The following TMEM127 variants were observed in gnomAD, a reference collection of about 807,000 sequenced individuals.
TMEM127 encodes transmembrane protein 127.
In TMEM127, 21 loss-of-function variants were observed where a neutral mutation model predicts 20.1. That is an observed-to-expected ratio of 1.04 (90% CI 0.74 to 1.50). TMEM127 has a LOEUF of 1.50. TMEM127 is among the 40% of genes most tolerant of loss of function. The probability of loss-of-function intolerance (pLI) is 0.00; values close to 1 mark genes in which losing one functional copy is unlikely to be tolerated. For synonymous variants in TMEM127, 150 were observed against 144.7 expected, an observed-to-expected ratio of 1.04 and a Z score of -0.26; for missense variants, 303 against 317.4, an observed-to-expected ratio of 0.95 and a Z score of 0.34.
rs1219929862 is a variant in TMEM127, at chr2:96,253,948, C to T, written c.577G>A (p.Ala193Thr). 3.7e-6 allele frequency: 6 copies of T among 1,614,030 alleles called. No individual in the cohort carries two copies. The Admixed American group carries it at 1.0e-4, about 27-fold the overall frequency. The change falls in exon 4 of 4, where the codon GCC becomes ACC. Residue 193 changes from alanine (A) to threonine (T), a missense_variant. Coordinates refer to ENST00000258439, the MANE Select transcript of TMEM127 (RefSeq NM_017849.4). This position sits in a 1 kb window ranked among gnomAD's most constrained non-coding sequence, Gnocchi z 4.3. ...GTGGGGTAGTGGCGCAGGAGGTTGG[C>T]TGCCGTGGCCAGGATTGAGGCTCCA... ...AGGASILATA[A>T]NLLRHYPTEE...
At chr2:96,254,803 T>C (rs1268233045) in intron 3 of TMEM127, 30 bp downstream of exon 3, 1 of 1,613,454 alleles carries the variant, frequency 6.2e-7, no homozygotes, top group East Asian at 2.2e-5. Context: ...TAGCAGTTCC[T>C]CTCCCACTGT....
In TMEM127 at chr2:96,249,454, G is replaced by A. The variant is rs1488071631; in HGVS notation, c.*4354C>T. On this transcript the variant is annotated 3_prime_UTR_variant, in exon 4 of 4. Transcript: ENST00000258439. Reference sequence around the variant, plus strand: ...AATGAAGCGTCTTCGTTTCAGGTGGGCTCATTCAAAACGACATTTTCAGGC... The same window carrying A: ...AATGAAGCGTCTTCGTTTCAGGTGGACTCATTCAAAACGACATTTTCAGGC... 2 of 223,850 alleles carry A rather than the reference G, an allele frequency of 8.9e-6. No homozygotes were observed. The highest frequency in any genetic ancestry group is 1.8e-5 in the Non-Finnish European group (2 of 112,298). The allele number at this position is 223,850 out of a possible 1,614,324, so 13.9% of individuals were successfully genotyped here. A position where few individuals can be genotyped will look rare whatever the true frequency, so the allele number is the denominator to read the frequency against.
intron 2 of TMEM127, 32 bp downstream of exon 2, chr2:96,265,106 A>G (rs1198079273): frequency 2.5e-6 from 4 of 1,611,078 alleles, no homozygotes; most frequent in Non-Finnish European, 3.4e-6. Flanking sequence ...TCCCCCACCG[A>G]GGCTTTAAGG....
At position 96,253,254 on chromosome 2, in the gene TMEM127, A is replaced by G; in HGVS notation, c.*554T>C. 1 of 234,642 alleles carries G rather than the reference A, an allele frequency of 4.3e-6. No individual in the cohort carries two copies. Among genetic ancestry groups the G allele is most frequent in the African/African-American group, 2.2e-5 (1 of 45,408 alleles). 14.5% of individuals were successfully genotyped at this position (234,642 alleles called of 1,614,324 possible). ...AACAGCGATTCCCTCTCCCCATAAA[A>G]CCAGGGCACACGTGAGGAGAAGTCC... is the stretch of plus-strand genomic sequence containing the variant. On this transcript the variant is annotated 3_prime_UTR_variant, in exon 4 of 4. Coordinates refer to ENST00000258439, the MANE Select transcript of TMEM127 (RefSeq NM_017849.4). This position sits in a 1 kb window ranked among gnomAD's most constrained non-coding sequence, Gnocchi z 4.3.
At chr2:96,263,420 T>C (rs999139295) in intron 2 of TMEM127, among the ~76,000 whole-genome samples, 1 of 149,960 alleles carries the variant, frequency 6.7e-6, no homozygotes, top group Non-Finnish European at 1.5e-5. Flanking sequence ...TGGAGCGCAA[T>C]GGCGCGATCT....
intron 2 of TMEM127, among the ~76,000 whole-genome samples, chr2:96,261,886 G>GCTTA (rs756544663): frequency 2.4e-4 from 36 of 152,286 alleles, no homozygotes; most frequent in Non-Finnish European, 4.7e-4. Flanking sequence ...GCTGAGAAAT[G>GCTTA]GTAAGGCTGC....
chr2:96,262,572 A>C (rs1165779390), intron 2 of TMEM127, among the ~76,000 whole-genome samples: 2 of 152,278 alleles, frequency 1.3e-5, no homozygotes, highest in Non-Finnish European at 2.9e-5. Flanking sequence ...GGAGATGGCC[A>C]CAGGCAAGCA....
In TMEM127 at chr2:96,253,752, A is replaced by AGAGGAGCTGCAGAGTTGAGG; in HGVS notation, c.*36_*55dup. On this transcript the variant is annotated 3_prime_UTR_variant, in exon 4 of 4. Coordinates refer to ENST00000258439, the MANE Select transcript of TMEM127 (RefSeq NM_017849.4). This position sits in a 1 kb window ranked among gnomAD's most constrained non-coding sequence, Gnocchi z 4.3. ...GGGGAAAGGAGCTCCTCTGGGTGCG[A>AGAGGAGCTGCAGAGTTGAGG]GAGGAGCTGCAGAGTTGAGGGAGGG... 1.3e-6 allele frequency: 2 copies of AGAGGAGCTGCAGAGTTGAGG among 1,559,932 alleles called. No individual in the cohort carries two copies. Among genetic ancestry groups the AGAGGAGCTGCAGAGTTGAGG allele is most frequent in the Non-Finnish European group, 1.7e-6 (2 of 1,148,690 alleles).
intron 2 of TMEM127, 63 bp from the exon 3 acceptor site, chr2:96,255,060 TAGA>T: frequency 1.9e-6 from 3 of 1,600,914 alleles, no homozygotes; most frequent in Non-Finnish European, 2.6e-6. Context: ...AGTCCCCACC[TAGA>T]AGGAGTTTGA....
chr2:96,264,061 C>T (rs997347553), intron 2 of TMEM127, among the ~76,000 whole-genome samples: 2 of 152,212 alleles, frequency 1.3e-5, no homozygotes, highest in Non-Finnish European at 2.9e-5. Flanking sequence ...AATCACCCTA[C>T]AGCTTCTAAA....
chr2:96,257,417 G>A (rs1231784317), intron 2 of TMEM127, among the ~76,000 whole-genome samples: 4 of 151,648 alleles, frequency 2.6e-5, no homozygotes, highest in Non-Finnish European at 4.4e-5. Flanking sequence ...AGCCGACATC[G>A]TGTCACTGCA....
chr2:96,259,305 T>C (rs1684269274), intron 2 of TMEM127, among the ~76,000 whole-genome samples: 1 of 152,234 alleles, frequency 6.6e-6, no homozygotes, highest in Admixed American at 6.5e-5. Flanking sequence ...GGCCACACGC[T>C]GCAGAGCTAG....
intron 2 of TMEM127, among the ~76,000 whole-genome samples, chr2:96,259,866 A>T (rs767968785): frequency 7.2e-4 from 110 of 152,352 alleles, no homozygotes; most frequent in Non-Finnish European, 1.4e-3. Context: ...TATTAACCAG[A>T]GGCTGTTTCA....
Position 96,265,503 on chromosome 2 carries a change from C to T in TMEM127, c.-122G>A. ...GCTCCGGGTTCGCTGCAGGTGAAGC[C>T]GGGACTGGGCTGTCAGGGTTGACAC... On this transcript the variant is annotated 5_prime_UTR_variant, in exon 2 of 4. Coordinates refer to ENST00000258439, the MANE Select transcript of TMEM127 (RefSeq NM_017849.4). 8.2e-7 allele frequency: 1 copy of T among 1,225,454 alleles called. No individual in the cohort carries two copies. Among genetic ancestry groups the T allele is most frequent in the Non-Finnish European group, 1.0e-6 (1 of 974,486 alleles). 75.9% of individuals were successfully genotyped at this position (1,225,454 alleles called of 1,614,324 possible).
At position 96,249,091 on chromosome 2, in the gene TMEM127, G is replaced by GTGT. The variant is rs1553436044; in HGVS notation, c.*4716_*4717insACA. 2 of 220,132 alleles carry GTGT rather than the reference G, an allele frequency of 9.1e-6. No homozygotes were observed. Among genetic ancestry groups the GTGT allele is most frequent in the Non-Finnish European group, 1.8e-5 (2 of 111,288 alleles). The allele number at this position is 220,132 out of a possible 1,614,324, so 13.6% of individuals were successfully genotyped here. ...GTGAGGAACCTGTGTGTGTGTGTGT[G>GTGT]GTGTGTGTGTGTGTGTGTGTGTGTG... is the stretch of plus-strand genomic sequence containing the variant. On this transcript the variant is annotated 3_prime_UTR_variant, in exon 4 of 4. Coordinates refer to ENST00000258439, the MANE Select transcript of TMEM127 (RefSeq NM_017849.4).
Position 96,253,935 on chromosome 2 carries a change from C to T in TMEM127, c.590G>A (p.Arg197His), listed in dbSNP as rs1231066976. 8.7e-6 allele frequency: 14 copies of T among 1,613,834 alleles called. No individual in the cohort carries two copies. The highest frequency in any genetic ancestry group is 1.7e-5 in the Admixed American group (1 of 59,990). The change falls in exon 4 of 4, where the codon CGC becomes CAC. Residue 197 changes from arginine (R) to histidine (H), a missense_variant. Transcript: ENST00000258439. The surrounding 1 kb of genome is among the most constrained non-coding windows in gnomAD (Gnocchi z 4.3). ...SILATAANLL[R>H]HYPTEEEEQA... is the part of the protein sequence containing the mutation. ...CTCCTCTTCCTCTGTGGGGTAGTGG[C>T]GCAGGAGGTTGGCTGCCGTGGCCAG...
Position 96,254,883 on chromosome 2 carries a change from T to A in TMEM127, c.359A>T (p.His120Leu). 6.2e-7 allele frequency: 1 copy of A among 1,614,104 alleles called. No homozygotes were observed. The highest frequency in any genetic ancestry group is 2.2e-5 in the East Asian group (1 of 44,880). The change falls in exon 3 of 4, where the codon CAT (histidine) becomes CTT (leucine). Residue 120 changes from histidine to leucine, a missense_variant. Coordinates refer to ENST00000258439, the MANE Select transcript of TMEM127 (RefSeq NM_017849.4). ...AFLLDVFGPKHPALKITRRYA... is the reference protein window; with the variant it reads ...AFLLDVFGPKLPALKITRRYA... ...GCGACGAGTGATCTTCAGAGCAGGA[T>A]GCTTCGGCCCAAAGACATCCAGAAG...
chr2:96,254,648 C>CTCTAGCT (rs1684163723), intron 3 of TMEM127, among the ~76,000 whole-genome samples, 185 bp downstream of exon 3: 1 of 152,164 alleles, frequency 6.6e-6, no homozygotes, highest in Non-Finnish European at 1.5e-5. Context: ...GTGATCCTGG[C>CTCTAGCT]AAGTTAGCAG....
chr2:96,252,642 G>A lies in TMEM127; in HGVS notation c.*1166C>T, dbSNP rs1290128983. On this transcript the variant is annotated 3_prime_UTR_variant, in exon 4 of 4. Transcript: ENST00000258439. This position sits in a 1 kb window ranked among gnomAD's most constrained non-coding sequence, Gnocchi z 4.2. The stretch of plus-strand genomic sequence containing the variant: ...CAGCCCGGCCTGCTGGGCTGACAGT[G>A]TGGGTCTGATGCCTCACATGATGTG... 4.3e-6 allele frequency: 1 copy of A among 233,836 alleles called. No individual in the cohort carries two copies. The highest frequency in any genetic ancestry group is 8.5e-6 in the Non-Finnish European group (1 of 118,196). 14.5% of individuals were successfully genotyped at this position (233,836 alleles called of 1,614,324 possible). A position where few individuals can be genotyped will look rare whatever the true frequency, so the allele number is the denominator to read the frequency against.
Sources: gnomAD v4.1 joint callset for allele counts (sites outside exome capture counted in the v4.1 genomes callset) on GRCh38, gnomAD v4.1.1 for gene constraint, Gnocchi (gnomAD v3.1) non-coding constraint, MANE v1.5 for transcripts, NCBI Gene and HGNC (gene_info 2026-07-23, HGNC 2026-07-21) for gene names.